Variants in PLA2G4A observed in about 807,000 individuals in gnomAD.
PLA2G4A encodes the protein phospholipase A2 group IVA.
PLA2G4A carries 40 observed loss-of-function variants against 81.9 expected under a neutral mutation model. The ratio of observed to expected loss-of-function variants is 0.49; its 90% confidence interval spans 0.38 to 0.64. The LOEUF (loss-of-function observed/expected upper bound fraction) is 0.64, where lower values mean the gene tolerates loss of function less well. PLA2G4A is among the 30% of genes least tolerant of loss of function. PLA2G4A has a pLI of 0.00. For missense variants in PLA2G4A, 715 were observed against 905.1 expected (o/e 0.79, Z 2.69); for synonymous variants, 302 against 296.9 (o/e 1.02, Z -0.18).
At chr1:186,938,523 G>A (rs1036260059) in intron 8 of PLA2G4A, among the ~76,000 whole-genome samples, 1 of 152,036 alleles carries the variant, frequency 6.6e-6, no homozygotes, top group African/African-American at 2.4e-5. Flanking sequence ...TAATTAAGGA[G>A]AAAAAAGGAT....
intron 2 of PLA2G4A, among the ~76,000 whole-genome samples, chr1:186,870,020 G>T (rs1212210197): frequency 6.6e-6 from 1 of 152,192 alleles, no homozygotes; most frequent in Non-Finnish European, 1.5e-5. Context: ...ATGTCATGCA[G>T]AAAAGACTTT....
At chr1:186,867,476 G>A (rs1250524896) in intron 2 of PLA2G4A, among the ~76,000 whole-genome samples, 2 of 143,756 alleles carry the variant, frequency 1.4e-5, no homozygotes, top group Admixed American at 1.5e-4. Flanking sequence ...GTAGTATTGT[G>A]TTTTTAATTT....
chr1:186,860,529 G>A (rs1303223651), intron 2 of PLA2G4A, among the ~76,000 whole-genome samples: 1 of 152,136 alleles, frequency 6.6e-6, no homozygotes, highest in Non-Finnish European at 1.5e-5. Flanking sequence ...ATCCAGGAGG[G>A]CAATCTACTT....
At chr1:186,857,570 A>C (rs924719100) in intron 2 of PLA2G4A, among the ~76,000 whole-genome samples, 1 of 143,902 alleles carries the variant, frequency 6.9e-6, no homozygotes, top group African/African-American at 2.5e-5. Flanking sequence ...TATAATATTA[A>C]TATAAATATA....
intron 13 of PLA2G4A, among the ~76,000 whole-genome samples, chr1:186,951,060 T>C (rs969358): frequency 0.96 from 145,857 of 152,264 alleles, 69,907 homozygotes; most frequent in East Asian, 1. Context: ...TTTGGGAACA[T>C]TTTTAGATGG....
intron 15 of PLA2G4A, among the ~76,000 whole-genome samples, chr1:186,975,743 A>T (rs1657508712): frequency 6.6e-6 from 1 of 152,130 alleles, no homozygotes; most frequent in Non-Finnish European, 1.5e-5. Context: ...ATCACTGTAC[A>T]CTGCAGCCAC....
At chr1:186,939,759 G>A (rs1438383567) in intron 9 of PLA2G4A, among the ~76,000 whole-genome samples, 1 of 152,134 alleles carries the variant, frequency 6.6e-6, no homozygotes, top group Non-Finnish European at 1.5e-5. Context: ...TTCAGATGTA[G>A]ACATATAATC....
intron 7 of PLA2G4A, among the ~76,000 whole-genome samples, chr1:186,932,086 T>C (rs997935528): frequency 2.0e-5 from 3 of 152,122 alleles, no homozygotes; most frequent in East Asian, 3.9e-4. Flanking sequence ...AACCAGCAAA[T>C]ACTTTCCTTC....
intron 7 of PLA2G4A, among the ~76,000 whole-genome samples, chr1:186,912,546 G>C (rs551732666): frequency 6.6e-6 from 1 of 151,836 alleles, no homozygotes; most frequent in African/African-American, 2.4e-5. Context: ...ATGTAGTATA[G>C]TTGGAATCAT....
chr1:186,884,256 C>T (rs867917735), intron 3 of PLA2G4A, among the ~76,000 whole-genome samples: 5 of 136,320 alleles, frequency 3.7e-5, no homozygotes, highest in Admixed American at 7.4e-5. Flanking sequence ...AATCCTCCCC[C>T]TTTTTTTTTT....
At chr1:186,951,300 T>G (rs1174747202) in intron 13 of PLA2G4A, among the ~76,000 whole-genome samples, 4 of 152,090 alleles carry the variant, frequency 2.6e-5, no homozygotes, top group Admixed American at 2.0e-4. Context: ...GTGTGGATTA[T>G]GATAGTCAGT....
chr1:186,949,381 AAGAAAG>A (rs1269831991), intron 12 of PLA2G4A, among the ~76,000 whole-genome samples: 1 of 12,230 alleles, frequency 8.2e-5, no homozygotes, highest in African/African-American at 1.1e-3. Context: ...AAAAGAAAGA[AAGAAAG>A]AAAAAAGAAA....
At chr1:186,982,885 C>T (rs113412588) in intron 17 of PLA2G4A, among the ~76,000 whole-genome samples, 30,229 of 151,736 alleles carry the variant, frequency 0.2, 3,360 homozygotes, top group South Asian at 0.28. Context: ...AAGACCATCC[C>T]GGCTAACACG....
At chr1:186,894,076 T>C (rs1654247637) in intron 4 of PLA2G4A, 22 bp from the exon 5 acceptor site, 1 of 902,456 alleles carries the variant, frequency 1.1e-6, no homozygotes, top group African/African-American at 1.6e-5. Flanking sequence ...TTTATTTTTG[T>C]GCTTTACATT....
intron 3 of PLA2G4A, among the ~76,000 whole-genome samples, chr1:186,892,655 C>T (rs955215736): frequency 2.0e-5 from 3 of 152,156 alleles, no homozygotes; most frequent in Admixed American, 6.5e-5. Context: ...GTCACTATCA[C>T]AGTCCTGGGT....
intron 13 of PLA2G4A, among the ~76,000 whole-genome samples, chr1:186,954,666 C>T (rs1199713375): frequency 6.6e-6 from 1 of 151,930 alleles, no homozygotes; most frequent in Non-Finnish European, 1.5e-5. Context: ...TATAGAATCT[C>T]TTTTTTCTCT....
chr1:186,956,714 G>C (rs905982154), intron 14 of PLA2G4A, among the ~76,000 whole-genome samples: 13 of 151,906 alleles, frequency 8.6e-5, no homozygotes. Context: ...GGTTTTTGCC[G>C]TGTTGCCCAA....
rs539287356 is a variant in PLA2G4A at position 186,877,126 on chromosome 1, G to T, written c.115+6610G>T. The stretch of plus-strand genomic sequence containing the variant: ...TGTAGGAATCAATATGAAAATAAAT[G>T]ATCTGTTTGGTAGCTATTCTTGAGT... On this transcript the variant is annotated intron_variant, in intron 3 of 17. Transcript: ENST00000367466. Among the ~76,000 whole-genome samples, 5 of 152,120 alleles carry T rather than the reference G, an allele frequency of 3.3e-5. No homozygotes were observed. In the East Asian group the frequency reaches 9.7e-4, roughly 30 times the overall value.
intron 3 of PLA2G4A, among the ~76,000 whole-genome samples, chr1:186,884,740 A>C (rs755888005): frequency 1.3e-5 from 2 of 151,902 alleles, no homozygotes; most frequent in African/African-American, 2.4e-5. Flanking sequence ...TTAGCTGAGC[A>C]TGATGGTGTG....
Sources: allele counts gnomAD v4.1 joint callset (sites outside exome capture counted in the v4.1 genomes callset), GRCh38; gene constraint gnomAD v4.1.1; transcripts MANE v1.5; gene names NCBI Gene and HGNC (gene_info 2026-07-23, HGNC 2026-07-21).